The following CFAP77 variants were observed in gnomAD, a reference collection of about 807,000 sequenced individuals.
CFAP77 encodes the protein cilia and flagella associated protein 77.
Under a neutral mutation model 31.1 loss-of-function variants are expected in CFAP77, and 25 were observed. That is an observed-to-expected ratio of 0.80 (90% CI 0.59 to 1.12). CFAP77 has a LOEUF of 1.12. Ranked by LOEUF, CFAP77 falls within the 50% of genes most tolerant of loss-of-function variation. The pLI is 0.00. For synonymous variants in CFAP77, 151 were observed against 159.9 expected, an observed-to-expected ratio of 0.94 and a Z score of 0.42; for missense variants, 377 against 397.3, an observed-to-expected ratio of 0.95 and a Z score of 0.44.
At chr9:132,550,604 A>G (rs890373944) in intron 5 of CFAP77, among the ~76,000 whole-genome samples, 2 of 146,486 alleles carry the variant, frequency 1.4e-5, no homozygotes, top group Non-Finnish European at 3.0e-5. Context: ...GGCTCAATGC[A>G]GCCTCTACCT....
intron 5 of CFAP77, among the ~76,000 whole-genome samples, chr9:132,555,308 A>G (rs1852884342): frequency 6.6e-6 from 1 of 152,182 alleles, no homozygotes; most frequent in African/African-American, 2.4e-5. Context: ...GAATAACAAC[A>G]CCAAACCTCG....
In CFAP77 at chr9:132,499,320, G is replaced by T; in HGVS notation, c.296-52G>T. Reference sequence around the variant, plus strand: ...ATTTCTTCTCGATCAGCTGCCTCAGGGTGCTTACTCCCAGGCTGACCACTG... The same window carrying T: ...ATTTCTTCTCGATCAGCTGCCTCAGTGTGCTTACTCCCAGGCTGACCACTG... On this transcript the variant is annotated intron_variant, in intron 2 of 5. Transcript: ENST00000393216. This position sits in a 1 kb window ranked among gnomAD's most constrained non-coding sequence, Gnocchi z 5.4. 6.5e-7 allele frequency: 1 copy of T among 1,538,364 alleles called. No individual in the cohort carries two copies. Among genetic ancestry groups the T allele is most frequent in the South Asian group, 1.1e-5 (1 of 88,426 alleles).
chr9:132,417,597 C>CTATTTACCCTTTAATCCTCAGTTGT, intron 1 of CFAP77, among the ~76,000 whole-genome samples: 1 of 152,200 alleles, frequency 6.6e-6, no homozygotes, highest in Non-Finnish European at 1.5e-5. Flanking sequence ...ACCCACGAGA[C>CTATTTACCCTTTAATCCTCAGTTGT]TATTTACCCT....
At chr9:132,561,266 C>T (rs936181325) in intron 5 of CFAP77, among the ~76,000 whole-genome samples, 1 of 152,124 alleles carries the variant, frequency 6.6e-6, no homozygotes, top group Non-Finnish European at 1.5e-5. Flanking sequence ...TCCCAGTCAC[C>T]TGAGCAGTTG....
Position 132,490,016 on chromosome 9 carries a change from C to T in CFAP77, c.196-8679C>T, listed in dbSNP as rs554328407. Among the ~76,000 whole-genome samples, 2 of 152,148 alleles carry T rather than the reference C, an allele frequency of 1.3e-5. No individual in the cohort carries two copies. Among genetic ancestry groups the T allele is most frequent in the African/African-American group, 2.4e-5 (1 of 41,418 alleles). On this transcript the variant is annotated intron_variant, in intron 1 of 5. Coordinates refer to ENST00000393216, the MANE Select transcript of CFAP77 (RefSeq NM_001282957.2). The surrounding 1 kb of genome is among the most constrained non-coding windows in gnomAD (Gnocchi z 4.6). ...AGGGGCTGGGAGTTCCAGATCAATG[C>T]GCCGGTGGTTTCTGTGTCTGGTGAG...
At chr9:132,410,549 T>C in intron 1 of CFAP77, 83 bp downstream of exon 1, 2 of 1,217,434 alleles carry the variant, frequency 1.6e-6, no homozygotes, top group Non-Finnish European at 2.2e-6. Context: ...CGCAGCGCCC[T>C]GGCCCCGCGG....
intron 1 of CFAP77, among the ~76,000 whole-genome samples, chr9:132,493,438 G>A (rs938213036): frequency 1.1e-4 from 16 of 152,218 alleles, no homozygotes; most frequent in Admixed American, 1.0e-3. Flanking sequence ...TGGTGCCGGT[G>A]TTCATGCAGT....
At chr9:132,413,713 G>A (rs372982727) in intron 1 of CFAP77, among the ~76,000 whole-genome samples, 5 of 152,138 alleles carry the variant, frequency 3.3e-5, no homozygotes, top group African/African-American at 1.2e-4. Context: ...GAGACTGCTT[G>A]GTTTGCTCCC....
At position 132,495,742 on chromosome 9, in the gene CFAP77, G is replaced by A. The variant is rs1013547005; in HGVS notation, c.196-2953G>A. On this transcript the variant is annotated intron_variant, in intron 1 of 5. Coordinates refer to ENST00000393216, the MANE Select transcript of CFAP77 (RefSeq NM_001282957.2). This position sits in a 1 kb window ranked among gnomAD's most constrained non-coding sequence, Gnocchi z 4.2. ...TTGGATGGGATGGCGTTAGCAGGTG[G>A]GTCTTTTAGGAGATGATTAGATCAT... Among the ~76,000 whole-genome samples the A allele has an allele frequency of 6.6e-6, 1 of 152,136 alleles. No individual in the cohort carries two copies. The highest frequency in any genetic ancestry group is 2.4e-5 in the African/African-American group (1 of 41,434).
At chr9:132,438,037 G>A (rs546723038) in intron 1 of CFAP77, among the ~76,000 whole-genome samples, 4 of 150,610 alleles carry the variant, frequency 2.7e-5, no homozygotes, top group Admixed American at 1.3e-4. Flanking sequence ...AAACCTCGTC[G>A]CTACTAAAAA....
chr9:132,428,734 C>T (rs1046484164), intron 1 of CFAP77, among the ~76,000 whole-genome samples: 1 of 152,156 alleles, frequency 6.6e-6, no homozygotes, highest in Admixed American at 6.5e-5. Flanking sequence ...CATTCTCTTG[C>T]CATCCATAGT....
chr9:132,569,721 A>G (rs1162827134), intron 5 of CFAP77, among the ~76,000 whole-genome samples: 1 of 138,888 alleles, frequency 7.2e-6, no homozygotes. Flanking sequence ...AAGTGTCTCT[A>G]GCTGCCCTTT....
chr9:132,507,216 G>A (rs1349780634), intron 3 of CFAP77, among the ~76,000 whole-genome samples: 2 of 152,142 alleles, frequency 1.3e-5, no homozygotes, highest in African/African-American at 2.4e-5. Flanking sequence ...CTTTTCTCAC[G>A]CCAGGATCTG....
chr9:132,549,425 A>G (rs1852789381), intron 5 of CFAP77, among the ~76,000 whole-genome samples: 1 of 152,218 alleles, frequency 6.6e-6, no homozygotes, highest in African/African-American at 2.4e-5. Context: ...ATGCGGAAAT[A>G]GGGCAATGGG....
chr9:132,483,322 C>T (rs1020578269), intron 1 of CFAP77, among the ~76,000 whole-genome samples: 7 of 151,666 alleles, frequency 4.6e-5, no homozygotes, highest in African/African-American at 1.5e-4. Context: ...AAAACTCACC[C>T]TTCCAAAGAG....
intron 5 of CFAP77, among the ~76,000 whole-genome samples, chr9:132,557,172 G>T (rs1219196544): frequency 6.6e-6 from 1 of 152,160 alleles, no homozygotes; most frequent in African/African-American, 2.4e-5. Flanking sequence ...TTGGACAGGG[G>T]CTCCAAGGTG....
At chr9:132,546,263 G>C (rs1218102418) in intron 5 of CFAP77, among the ~76,000 whole-genome samples, 1 of 152,164 alleles carries the variant, frequency 6.6e-6, no homozygotes, top group Non-Finnish European at 1.5e-5. Context: ...TCAGGGGTCC[G>C]GGCGGGTGGC....
rs1010490136 is a variant in CFAP77, at chr9:132,424,995, TG to T, written c.195+14532del. Among the ~76,000 whole-genome samples the T allele has an allele frequency of 3.3e-5, 5 of 152,152 alleles. No individual in the cohort carries two copies. Among genetic ancestry groups the T allele is most frequent in the Admixed American group, 2.0e-4 (3 of 15,270 alleles). On this transcript the variant is annotated intron_variant, in intron 1 of 5. Transcript: ENST00000393216. The surrounding 1 kb of genome is among the most constrained non-coding windows in gnomAD (Gnocchi z 4.1). ...GCAGTTAGTTAGCATTTAGATAGAC[TG>T]GGACTGGGGCCCACACAATAGGCAT...
chr9:132,562,813 C>T (rs1327177170), intron 5 of CFAP77, among the ~76,000 whole-genome samples: 1 of 152,008 alleles, frequency 6.6e-6, no homozygotes, highest in African/African-American at 2.4e-5. Flanking sequence ...GATTCTCCTG[C>T]CTCAGCCTCC....
Sources: allele counts gnomAD v4.1 joint callset (sites outside exome capture counted in the v4.1 genomes callset), GRCh38; gene constraint gnomAD v4.1.1; non-coding constraint Gnocchi (gnomAD v3.1); transcripts MANE v1.5; gene names NCBI Gene and HGNC (gene_info 2026-07-23, HGNC 2026-07-21).